The following FAM227B variants were observed in gnomAD, a reference collection of about 807,000 sequenced individuals.
FAM227B encodes family with sequence similarity 227 member B, also known as protein FAM227B.
Under a neutral mutation model 73.8 loss-of-function variants are expected in FAM227B, and 88 were observed. That is an observed-to-expected ratio of 1.19 (90% CI 1.00 to 1.42). The LOEUF (loss-of-function observed/expected upper bound fraction) is 1.42, where lower values mean the gene tolerates loss of function less well. Among genes scored for constraint, FAM227B ranks in the 40% most tolerant of loss-of-function variants. The pLI is 0.00. For synonymous variants in FAM227B, 210 were observed against 190.5 expected (o/e 1.10, Z -0.84); for missense variants, 632 against 590.9 (o/e 1.07, Z -0.72).
intron 3 of FAM227B, among the ~76,000 whole-genome samples, chr15:49,608,913 G>A (rs1221128064): frequency 6.6e-6 from 1 of 151,898 alleles, no homozygotes; most frequent in African/African-American, 2.4e-5. Flanking sequence ...GAAGAAATTG[G>A]AATCAACACT....
At chr15:49,441,059 T>C (rs989036473) in intron 11 of FAM227B, among the ~76,000 whole-genome samples, 1 of 151,754 alleles carries the variant, frequency 6.6e-6, no homozygotes, top group Non-Finnish European at 1.5e-5. Flanking sequence ...TACTTATGAA[T>C]AGCTTACAAC....
Position 49,379,252 on chromosome 15 carries a change from G to A in FAM227B, c.1013-7853C>T, listed in dbSNP as rs192307732. 8.2e-3 allele frequency among the ~76,000 whole-genome samples: 1,252 copies of A among 152,184 alleles called. 6 individuals carry two copies. The highest frequency in any genetic ancestry group is 0.014 in the Non-Finnish European group (938 of 67,998). On this transcript the variant is annotated intron_variant, in intron 11 of 15. Coordinates refer to ENST00000299338, the MANE Select transcript of FAM227B (RefSeq NM_152647.3). ...CACATCAATATTAATCAGAGATATT[G>A]GTCTGTAGTTTTCTTTTTTTGATGT... is the stretch of plus-strand genomic sequence containing the variant.
chr15:49,472,884 G>A (rs2054906726), intron 11 of FAM227B, among the ~76,000 whole-genome samples: 1 of 150,730 alleles, frequency 6.6e-6, no homozygotes, highest in South Asian at 2.1e-4. Context: ...TGACAAATAA[G>A]AGAAAGGAGT....
intron 10 of FAM227B, among the ~76,000 whole-genome samples, chr15:49,514,697 T>A (rs1254879113): frequency 1.3e-5 from 2 of 152,186 alleles, no homozygotes; most frequent in East Asian, 3.8e-4. Flanking sequence ...TCTTCCAGGC[T>A]GTGAATTTTC....
intron 11 of FAM227B, among the ~76,000 whole-genome samples, chr15:49,434,834 T>A (rs1025059096): frequency 1.3e-5 from 2 of 151,116 alleles, no homozygotes; most frequent in Admixed American, 1.3e-4. Flanking sequence ...ACATCAATAA[T>A]TAATAAAAAA....
rs960806833 is a variant in FAM227B at position 49,328,649 on chromosome 15, T to C, written c.1446A>G (p.Glu482=). Residue 482 remains glutamate (E), a synonymous_variant, in exon 16 of 16, where the codon GAA becomes GAG. Transcript: ENST00000299338. ...KLRSEAEIER[E]CVASLSSSSS... is the part of the protein sequence containing the mutation. ...ATGATGACGATAGTGATGCCACACA[T>C]TCTCTCTCAATTTCAGCTTCGGAAC... The C allele has an allele frequency of 6.4e-7, 1 of 1,572,970 alleles. No individual in the cohort carries two copies. The highest frequency in any genetic ancestry group is 8.7e-7 in the Non-Finnish European group (1 of 1,155,796).
chr15:49,568,481 T>C, intron 8 of FAM227B, 135 bp from the exon 9 acceptor site: 1 of 662,212 alleles, frequency 1.5e-6, no homozygotes, highest in Middle Eastern at 2.6e-4. Flanking sequence ...TTTCGCATAA[T>C]GCAGACCCAA....
chr15:49,368,695 A>T (rs546149627), intron 12 of FAM227B, among the ~76,000 whole-genome samples: 12 of 152,314 alleles, frequency 7.9e-5, no homozygotes, highest in African/African-American at 2.4e-4. Context: ...TTAGATTTTT[A>T]AAAAATTTGC....
chr15:49,549,815 G>A (rs1381313187), intron 9 of FAM227B, among the ~76,000 whole-genome samples: 3 of 152,162 alleles, frequency 2.0e-5, no homozygotes, highest in South Asian at 2.1e-4. Context: ...ATCATGGCCC[G>A]CTCTCAATGA....
At chr15:49,425,988 TTATCATGGATAA>T (rs1375324534) in intron 11 of FAM227B, among the ~76,000 whole-genome samples, 4 of 151,502 alleles carry the variant, frequency 2.6e-5, no homozygotes, top group Non-Finnish European at 4.4e-5. Flanking sequence ...TTGCTCAGAT[TTATCATGGATAA>T]TATCATGGAT....
chr15:49,414,087 C>G (rs1404508905), intron 11 of FAM227B, among the ~76,000 whole-genome samples: 2 of 151,856 alleles, frequency 1.3e-5, no homozygotes, highest in Non-Finnish European at 2.9e-5. Flanking sequence ...AGTCAGGGAC[C>G]TTGCTTATCT....
chr15:49,383,228 C>T (rs891119160), intron 11 of FAM227B, among the ~76,000 whole-genome samples: 1 of 152,104 alleles, frequency 6.6e-6, no homozygotes, highest in African/African-American at 2.4e-5. Flanking sequence ...CATTAATATA[C>T]AGGCATATCT....
intron 11 of FAM227B, among the ~76,000 whole-genome samples, chr15:49,397,897 C>G (rs1045624600): frequency 3.3e-5 from 5 of 151,518 alleles, no homozygotes; most frequent in African/African-American, 9.7e-5. Context: ...AAAACCATGC[C>G]AAAATGTAAA....
chr15:49,492,373 T>A (rs902122553), intron 11 of FAM227B, among the ~76,000 whole-genome samples: 1 of 152,090 alleles, frequency 6.6e-6, no homozygotes, highest in East Asian at 1.9e-4. Context: ...GAATGAATCA[T>A]GTAACATTTT....
chr15:49,397,720 A>G lies in FAM227B; in HGVS notation c.1013-26321T>C, dbSNP rs568260139. On this transcript the variant is annotated intron_variant, in intron 11 of 15. Coordinates refer to ENST00000299338, the MANE Select transcript of FAM227B (RefSeq NM_152647.3). ...AAAATTTTAAAGAAAAGAATTTTCA[A>G]CCCAGAATTTCATATCCAGCCAAAC... Among the ~76,000 whole-genome samples, 171 of 152,348 alleles carry G rather than the reference A, an allele frequency of 1.1e-3. 1 individual carries two copies. The highest frequency in any genetic ancestry group is 4.1e-3 in the African/African-American group (169 of 41,568).
intron 11 of FAM227B, among the ~76,000 whole-genome samples, chr15:49,506,113 A>G (rs1415028817): frequency 6.6e-6 from 1 of 152,064 alleles, no homozygotes; most frequent in African/African-American, 2.4e-5. Flanking sequence ...GGATACAGCA[A>G]AAATCAATAA....
chr15:49,393,585 G>C (rs149610786), intron 11 of FAM227B, among the ~76,000 whole-genome samples: 1 of 151,986 alleles, frequency 6.6e-6, no homozygotes, highest in Non-Finnish European at 1.5e-5. Context: ...GCAAAATTTT[G>C]TTCTGTTGTT....
intron 9 of FAM227B, among the ~76,000 whole-genome samples, chr15:49,550,121 A>C (rs1230303531): frequency 4.3e-5 from 4 of 92,970 alleles, no homozygotes; most frequent in African/African-American, 8.6e-5. Context: ...TGACCCCCCC[A>C]CCTCCCTCCC....
chr15:49,396,171 T>C lies in FAM227B; in HGVS notation c.1013-24772A>G, dbSNP rs540989269. Reference sequence around the variant, plus strand: ...GTGCGAGCCGAAGCAGGGCGAGGCATTGCCTCACTTGGGAAGCGCAAGGGG... The same window carrying C: ...GTGCGAGCCGAAGCAGGGCGAGGCACTGCCTCACTTGGGAAGCGCAAGGGG... On this transcript the variant is annotated intron_variant, in intron 11 of 15. Transcript: ENST00000299338. 1,450 of 351,438 alleles carry C rather than the reference T, an allele frequency of 4.1e-3. 33 individuals are homozygous for C. Among genetic ancestry groups the C allele is most frequent in the African/African-American group, 0.029 (1,332 of 45,958 alleles). 21.8% of individuals were successfully genotyped at this position (351,438 alleles called of 1,614,324 possible).
Sources: allele counts gnomAD v4.1 joint callset (sites outside exome capture counted in the v4.1 genomes callset), GRCh38; gene constraint gnomAD v4.1.1; transcripts MANE v1.5; gene names NCBI Gene and HGNC (gene_info 2026-07-23, HGNC 2026-07-21).